CTNNA3: variants seen among roughly 807,000 people sequenced by gnomAD.
The protein encoded by CTNNA3 is catenin alpha 3, also known as catenin alpha-3.
CTNNA3 carries 76 observed loss-of-function variants against 95.7 expected under a neutral mutation model. The ratio of observed to expected loss-of-function variants is 0.79; its 90% CI spans 0.66 to 0.96. The LOEUF is 0.96. Ranked by LOEUF, CTNNA3 falls within the 40% of genes least tolerant of loss-of-function variation. The pLI, the probability that CTNNA3 is intolerant of heterozygous loss-of-function variation, is 0.00. For missense variants in CTNNA3, 1,191 were observed against 1,089.8 expected (o/e 1.09, Z -1.31); for synonymous variants, 431 against 374.4 (o/e 1.15, Z -1.74).
intron 7 of CTNNA3, among the ~76,000 whole-genome samples, chr10:67,108,539 T>C (rs1449037021): frequency 6.6e-6 from 1 of 152,210 alleles, no homozygotes; most frequent in Non-Finnish European, 1.5e-5. Flanking sequence ...AGTGATCAAA[T>C]GCTTATAGTG....
At chr10:67,279,156 C>A (rs1032811058) in intron 5 of CTNNA3, among the ~76,000 whole-genome samples, 4 of 152,044 alleles carry the variant, frequency 2.6e-5, no homozygotes, top group South Asian at 2.1e-4. Context: ...CCAAATACAT[C>A]GAGTCAGTCA....
chr10:67,443,747 G>A (rs1054845596), intron 5 of CTNNA3, among the ~76,000 whole-genome samples: 36 of 151,654 alleles, frequency 2.4e-4, no homozygotes, highest in African/African-American at 8.5e-4. Context: ...TTTGTAGGTT[G>A]CCTGTTCACT....
intron 7 of CTNNA3, among the ~76,000 whole-genome samples, chr10:67,117,636 C>G (rs1037524585): frequency 2.0e-5 from 3 of 151,942 alleles, no homozygotes; most frequent in Non-Finnish European, 4.4e-5. Context: ...AATGAACATT[C>G]AAGTATTTCA....
rs577213518 is a variant in CTNNA3 at position 66,296,791 on chromosome 10, CT to C, written c.1733-16171del. 2.0e-3 allele frequency among the ~76,000 whole-genome samples: 298 copies of C among 152,196 alleles called. 1 individual carries two copies. Among genetic ancestry groups the C allele is most frequent in the African/African-American group, 6.9e-3 (285 of 41,528 alleles). Reference sequence around the variant, plus strand: ...TGTTGGTTGTGTCATGCTTTACCCCCTGGCTTTAACACATCCACAAGGCTTT... The same window carrying C: ...TGTTGGTTGTGTCATGCTTTACCCCCGGCTTTAACACATCCACAAGGCTTT... On this transcript the variant is annotated intron_variant, in intron 12 of 17. Transcript: ENST00000433211.
chr10:66,419,085 C>A lies in CTNNA3; in HGVS notation c.1532-39733G>T, dbSNP rs574779634. Among the ~76,000 whole-genome samples the A allele has an allele frequency of 2.6e-5, 4 of 152,056 alleles. No individual in the cohort carries two copies. The South Asian group carries it at 8.3e-4, about 32-fold the overall frequency. On this transcript the variant is annotated intron_variant, in intron 11 of 17. Transcript: ENST00000433211. ...TTCAAAAAGAGAAAGTCAAATTGTC[C>A]CTCTTTGCAGATGACATGATACTCA...
chr10:66,196,107 G>T (rs1464909493), intron 13 of CTNNA3, among the ~76,000 whole-genome samples: 7 of 152,164 alleles, frequency 4.6e-5, no homozygotes, highest in South Asian at 2.1e-4. Flanking sequence ...AAAGAATGGG[G>T]TTTATAATAA....
At chr10:67,721,672 C>T (rs1564840097) in intron 1 of CTNNA3, among the ~76,000 whole-genome samples, 1 of 152,082 alleles carries the variant, frequency 6.6e-6, no homozygotes. Context: ...ATTCATGAAA[C>T]CCATTCTCCA....
chr10:67,549,084 A>C (rs1840933955), intron 3 of CTNNA3, among the ~76,000 whole-genome samples: 1 of 152,188 alleles, frequency 6.6e-6, no homozygotes, highest in Admixed American at 6.5e-5. Context: ...CCTTTGAATA[A>C]GTTTTTTTTA....
chr10:66,974,308 C>G (rs559901595), intron 7 of CTNNA3, among the ~76,000 whole-genome samples: 68 of 152,266 alleles, frequency 4.5e-4, no homozygotes, highest in African/African-American at 1.6e-3. Context: ...AAGGAGTAAT[C>G]TAAAAAAGTG....
intron 1 of CTNNA3, among the ~76,000 whole-genome samples, chr10:67,649,499 A>C (rs1839816560): frequency 6.6e-6 from 1 of 152,244 alleles, no homozygotes; most frequent in Admixed American, 6.5e-5. Flanking sequence ...TGTCTTTAAC[A>C]CAAATTAAGT....
rs760738644 is a variant in CTNNA3 at position 66,972,905 on chromosome 10, T to C, written c.1048-197381A>G. On this transcript the variant is annotated intron_variant, in intron 7 of 17. Transcript: ENST00000433211. The stretch of plus-strand genomic sequence containing the variant: ...GTCTGTATTTTTAGTAGAGATGGGG[T>C]TTCACCATGTTGACAAGTTTCATAG... 7.7e-4 allele frequency among the ~76,000 whole-genome samples: 117 copies of C among 151,902 alleles called. 11 individuals carry two copies. Among genetic ancestry groups the C allele is most frequent in the Non-Finnish European group, 2.5e-4 (17 of 67,996 alleles).
intron 7 of CTNNA3, among the ~76,000 whole-genome samples, chr10:67,001,409 T>C (rs1851684189): frequency 6.6e-6 from 1 of 151,206 alleles, no homozygotes; most frequent in South Asian, 2.1e-4. Flanking sequence ...CATGGAAATT[T>C]ACCTAAAACC....
At position 67,264,433 on chromosome 10, in the gene CTNNA3, C is replaced by T. The variant is rs139368045; in HGVS notation, c.580-44563G>A. ...TATCTCCAAACAGCTATATGAGGTA[C>T]TATTTCACCTATTTACAGTTAGGAA... On this transcript the variant is annotated intron_variant, in intron 5 of 17. Coordinates refer to ENST00000433211, the MANE Select transcript of CTNNA3 (RefSeq NM_013266.4). Among the ~76,000 whole-genome samples, 41 of 152,258 alleles carry T rather than the reference C, an allele frequency of 2.7e-4. No homozygotes were observed. In the East Asian group the frequency reaches 7.3e-3, roughly 27 times the overall value.
chr10:67,135,872 T>C (rs982277637), intron 7 of CTNNA3, among the ~76,000 whole-genome samples: 2 of 152,218 alleles, frequency 1.3e-5, no homozygotes, highest in East Asian at 3.8e-4. Context: ...ATTATATGTT[T>C]CTACTTTACT....
At chr10:66,244,014 C>T (rs1303440115) in intron 13 of CTNNA3, among the ~76,000 whole-genome samples, 1 of 151,992 alleles carries the variant, frequency 6.6e-6, no homozygotes, top group Non-Finnish European at 1.5e-5. Context: ...CAGAGGGGAG[C>T]CCACTGCCCT....
intron 13 of CTNNA3, among the ~76,000 whole-genome samples, chr10:66,237,865 T>A (rs542511495): frequency 6.6e-6 from 1 of 152,274 alleles, no homozygotes; most frequent in East Asian, 1.9e-4. Flanking sequence ...AGTGGGTTTA[T>A]CATTTATTAC....
At chr10:67,331,687 T>C (rs762158317) in intron 5 of CTNNA3, among the ~76,000 whole-genome samples, 4 of 152,146 alleles carry the variant, frequency 2.6e-5, no homozygotes, top group Admixed American at 6.5e-5. Flanking sequence ...TGAGATGAGA[T>C]ATAGTATCTT....
chr10:66,999,705 C>T (rs1394952483), intron 7 of CTNNA3, among the ~76,000 whole-genome samples: 2 of 152,180 alleles, frequency 1.3e-5, no homozygotes, highest in South Asian at 2.1e-4. Context: ...GAATAATGTA[C>T]ATTTCATAAG....
At chr10:66,962,684 T>C (rs1309669482) in intron 7 of CTNNA3, among the ~76,000 whole-genome samples, 1 of 152,132 alleles carries the variant, frequency 6.6e-6, no homozygotes, top group East Asian at 1.9e-4. Context: ...GTGCTGGGAT[T>C]ACAGGCGTGA....
Sources: gnomAD v4.1 joint callset for allele counts (sites outside exome capture counted in the v4.1 genomes callset) on GRCh38, gnomAD v4.1.1 for gene constraint, MANE v1.5 for transcripts, NCBI Gene and HGNC (gene_info 2026-07-23, HGNC 2026-07-21) for gene names.